The following BMAL1 variants were observed in gnomAD, a reference collection of about 807,000 sequenced individuals.
BMAL1 encodes basic helix-loop-helix ARNT-like protein 1.
chr11:13,277,041 G>A, the BMAL1 span: 3 of 152,248 alleles, frequency 2.0e-5, no homozygotes, highest in African/African-American at 7.2e-5. Flanking sequence ...GCTCCAGTGG[G>A]ACACTTGGAG....
At chr11:13,369,042 C>T in the BMAL1 span, among the ~76,000 whole-genome samples, 1 of 152,196 alleles carries the variant, frequency 6.6e-6, no homozygotes, top group African/African-American at 2.4e-5. Context: ...CTGCATGCAG[C>T]TAGTGGCTAA....
At chr11:13,376,804 T>C in the BMAL1 span, 1 of 1,376,452 alleles carries the variant, frequency 7.3e-7, no homozygotes, top group Non-Finnish European at 1.0e-6. Flanking sequence ...CCCTAAAGTA[T>C]TCAGGGTCCC....
At chr11:13,310,759 GC>G in the BMAL1 span, among the ~76,000 whole-genome samples, 1 of 152,204 alleles carries the variant, frequency 6.6e-6, no homozygotes, top group African/African-American at 2.4e-5. Context: ...GACCCTAAAT[GC>G]CCGGCTAAGG....
the BMAL1 span, among the ~76,000 whole-genome samples, chr11:13,295,011 G>T: frequency 6.6e-6 from 1 of 152,178 alleles, no homozygotes; most frequent in Non-Finnish European, 1.5e-5. Flanking sequence ...GTGCTCCTGG[G>T]ATGAGGTGAA....
the BMAL1 span, chr11:13,372,273 C>G: frequency 6.2e-7 from 1 of 1,614,194 alleles, no homozygotes; most frequent in Non-Finnish European, 8.5e-7. Flanking sequence ...GGGGTGTAAC[C>G]TCAGCTGCCT....
chr11:13,363,786 C>G, the BMAL1 span, among the ~76,000 whole-genome samples: 1 of 152,180 alleles, frequency 6.6e-6, no homozygotes, highest in Non-Finnish European at 1.5e-5. Context: ...CAAGAGTGAC[C>G]CTGCCACTGG....
the BMAL1 span, among the ~76,000 whole-genome samples, chr11:13,290,146 T>A: frequency 3.9e-5 from 6 of 152,180 alleles, 1 homozygote; most frequent in Admixed American, 3.9e-4. Context: ...ATGATGAGCA[T>A]TTTTTTCATG....
At chr11:13,354,206 C>CCCCCCCAAA in the BMAL1 span, 1 of 880,512 alleles carries the variant, frequency 1.1e-6, no homozygotes, top group Non-Finnish European at 1.6e-6. Context: ...CCCGGCCCCC[C>CCCCCCCAAA]ACCACCAAAC....
the BMAL1 span, chr11:13,369,915 A>C: frequency 2.0e-6 from 2 of 990,498 alleles, no homozygotes; most frequent in Non-Finnish European, 2.9e-6. Context: ...AGTCCTCCCT[A>C]TGTGTAGGGC....
chr11:13,342,788 C>T, the BMAL1 span, among the ~76,000 whole-genome samples: 1 of 152,168 alleles, frequency 6.6e-6, no homozygotes, highest in South Asian at 2.1e-4. Context: ...CTGTGCTGTA[C>T]AGTGGAAGGA....
chr11:13,363,995 T>C, the BMAL1 span, among the ~76,000 whole-genome samples: 2 of 152,208 alleles, frequency 1.3e-5, no homozygotes, highest in African/African-American at 2.4e-5. Flanking sequence ...TAGCTTTACC[T>C]GTGTTGTCGG....
chr11:13,378,119 A>G, the BMAL1 span, among the ~76,000 whole-genome samples: 1 of 152,188 alleles, frequency 6.6e-6, no homozygotes, highest in Non-Finnish European at 1.5e-5. Flanking sequence ...TAGATGCTGT[A>G]TGAAGGGAAA....
At chr11:13,336,839 A>C in the BMAL1 span, among the ~76,000 whole-genome samples, 4 of 152,146 alleles carry the variant, frequency 2.6e-5, no homozygotes, top group Non-Finnish European at 5.9e-5. Flanking sequence ...TTGGTCCCTT[A>C]ACACTCGCTG....
At chr11:13,382,114 G>A in the BMAL1 span, among the ~76,000 whole-genome samples, 1 of 152,184 alleles carries the variant, frequency 6.6e-6, no homozygotes, top group Non-Finnish European at 1.5e-5. Flanking sequence ...GTGTTACCAG[G>A]TGGGATGGGC....
the BMAL1 span, chr11:13,378,656 CAACA>C: frequency 1.7e-6 from 1 of 574,756 alleles, no homozygotes; most frequent in Non-Finnish European, 2.9e-6. Context: ...CCTCCCCACC[CAACA>C]AAGAATTATC....
chr11:13,382,442 T>A, the BMAL1 span, among the ~76,000 whole-genome samples: 2 of 152,204 alleles, frequency 1.3e-5, no homozygotes, highest in African/African-American at 4.8e-5. Context: ...AGATAATATA[T>A]GTGAAAGTGC....
the BMAL1 span, chr11:13,357,108 C>T: frequency 6.2e-7 from 1 of 1,614,092 alleles, no homozygotes; most frequent in Non-Finnish European, 8.5e-7. This position sits in a 1 kb window ranked among gnomAD's most constrained non-coding sequence, Gnocchi z 4.8. Context: ...TAAGCTTGGA[C>T]CTTATTTTGT....
the BMAL1 span, among the ~76,000 whole-genome samples, chr11:13,304,869 C>T: frequency 2.6e-5 from 4 of 152,200 alleles, no homozygotes. Flanking sequence ...CCGGTTGGCT[C>T]CTTGCCTTCT....
chr11:13,318,109 G>A, the BMAL1 span, among the ~76,000 whole-genome samples: 2 of 152,188 alleles, frequency 1.3e-5, no homozygotes, highest in Non-Finnish European at 2.9e-5. Context: ...GCCTGCCTCC[G>A]GCTGGCCCAG....
Sources: allele counts gnomAD v4.1 joint callset (sites outside exome capture counted in the v4.1 genomes callset), GRCh38; gene constraint gnomAD v4.1.1; non-coding constraint Gnocchi (gnomAD v3.1); transcripts MANE v1.5; gene names NCBI Gene and HGNC (gene_info 2026-07-23, HGNC 2026-07-21).